The following CAPZA2 variants were observed in gnomAD, a reference collection of about 807,000 sequenced individuals.
CAPZA2 encodes the protein capping actin protein of muscle Z-line subunit alpha 2.
Under a neutral mutation model 44.0 loss-of-function variants are expected in CAPZA2, and 13 were observed. The ratio of observed to expected loss-of-function variants is 0.30; its 90% CI spans 0.19 to 0.47. The LOEUF (loss-of-function observed/expected upper bound fraction) is 0.47, where lower values mean the gene tolerates loss of function less well. CAPZA2 is among the 20% of genes least tolerant of loss of function. CAPZA2 has a pLI of 1.00. For synonymous variants in CAPZA2, 94 were observed against 108.2 expected, an observed-to-expected ratio of 0.87 and a Z score of 0.81; for missense variants, 244 against 338.6, an observed-to-expected ratio of 0.72 and a Z score of 2.19.
At chr7:116,863,335 C>A (rs760375312) in intron 1 of CAPZA2, among the ~76,000 whole-genome samples, 1 of 152,162 alleles carries the variant, frequency 6.6e-6, no homozygotes, top group Admixed American at 6.5e-5. Flanking sequence ...AAAAAGACGA[C>A]CCCCTCCCCA....
In CAPZA2 at chr7:116,921,870, C is replaced by G. The variant is rs551267678; in HGVS notation, c.*4003C>G. ...AAGGTCACCTCTGTGACATTAAAAT[C>G]AAGAATTCTGATAGAAGTAAGAGTT... On this transcript the variant is annotated 3_prime_UTR_variant, in exon 10 of 10. Coordinates refer to ENST00000361183, the MANE Select transcript of CAPZA2 (RefSeq NM_006136.3). The G allele has an allele frequency of 3.3e-5, 5 of 152,280 alleles. No homozygotes were observed. Among genetic ancestry groups the G allele is most frequent in the African/African-American group, 1.2e-4 (5 of 41,550 alleles). 9.4% of individuals were successfully genotyped at this position (152,280 alleles called of 1,614,324 possible).
intron 4 of CAPZA2, among the ~76,000 whole-genome samples, chr7:116,902,279 T>A (rs1797005492): frequency 6.6e-6 from 1 of 152,168 alleles, no homozygotes; most frequent in Non-Finnish European, 1.5e-5. Context: ...CCATCTTAAA[T>A]AACACTGGAT....
intron 9 of CAPZA2, 131 bp downstream of exon 9, chr7:116,916,253 ACAC>A: frequency 8.0e-6 from 7 of 878,790 alleles, no homozygotes; most frequent in South Asian, 2.5e-5. Context: ...TCTGCTTTTA[ACAC>A]AAAGGCAGAC....
chr7:116,907,187 A>G (rs752766415), intron 6 of CAPZA2, among the ~76,000 whole-genome samples: 6 of 152,236 alleles, frequency 3.9e-5, no homozygotes, highest in African/African-American at 4.8e-5. Flanking sequence ...AGGTTGCTCC[A>G]CTGCTTAGCC....
At chr7:116,890,525 AATATATATATAT>A (rs869031070) in intron 2 of CAPZA2, among the ~76,000 whole-genome samples, 5 of 27,220 alleles carry the variant, frequency 1.8e-4, no homozygotes, top group East Asian at 1.4e-3. Context: ...AAAAAAAAAA[AATATATATATAT>A]ATATATATAT....
intron 1 of CAPZA2, among the ~76,000 whole-genome samples, chr7:116,879,160 C>G (rs975120494): frequency 2.2e-5 from 3 of 139,064 alleles, no homozygotes; most frequent in African/African-American, 7.9e-5. Flanking sequence ...GAAAAGAATA[C>G]TGGGACTATG....
rs1160113350 is a variant in CAPZA2, at chr7:116,920,411, G to A, written c.*2544G>A. 6.6e-6 allele frequency: 1 copy of A among 152,350 alleles called. No homozygotes were observed. Among genetic ancestry groups the A allele is most frequent in the Non-Finnish European group, 1.5e-5 (1 of 68,176 alleles). 9.4% of individuals were successfully genotyped at this position (152,350 alleles called of 1,614,324 possible). A position where few individuals can be genotyped will look rare whatever the true frequency, so the allele number is the denominator to read the frequency against. ...AGGCATAATCAGGGAGAACAGCTAG[G>A]AGACTACTGCAGTAATCTAGTTGAG... On this transcript the variant is annotated 3_prime_UTR_variant, in exon 10 of 10. Coordinates refer to ENST00000361183, the MANE Select transcript of CAPZA2 (RefSeq NM_006136.3).
intron 1 of CAPZA2, among the ~76,000 whole-genome samples, chr7:116,883,766 C>T (rs1042155919): frequency 3.1e-4 from 47 of 152,054 alleles, no homozygotes; most frequent in African/African-American, 1.1e-3. Flanking sequence ...ATAGAGCTGA[C>T]GAAAATTCTA....
chr7:116,885,618 C>T (rs542532647), intron 1 of CAPZA2, among the ~76,000 whole-genome samples: 1 of 152,284 alleles, frequency 6.6e-6, no homozygotes, highest in South Asian at 2.1e-4. Flanking sequence ...GATCCAGATT[C>T]TCAGAACCCC....
At chr7:116,910,961 A>T (rs1342519026) in intron 7 of CAPZA2, among the ~76,000 whole-genome samples, 1 of 143,680 alleles carries the variant, frequency 7.0e-6, no homozygotes, top group Admixed American at 7.3e-5. Flanking sequence ...ACTGCACTCC[A>T]GCCTGGGCGA....
In CAPZA2 at chr7:116,910,265, C is replaced by T. The variant is rs1791573283; in HGVS notation, c.539C>T (p.Thr180Ile). The T allele has an allele frequency of 6.2e-7, 1 of 1,602,092 alleles. No individual in the cohort carries two copies. The highest frequency in any genetic ancestry group is 8.6e-7 in the Non-Finnish European group (1 of 1,169,352). Reference protein sequence around the residue: ...NGRWRSEWKFTITPSTTQVVG... With the variant: ...NGRWRSEWKFIITPSTTQVVG... ...CGTTGGAGGTCAGAATGGAAGTTTACAATCACTCCTTCAACCACTCAAGTG... is the reference window on the plus strand; with the variant it reads ...CGTTGGAGGTCAGAATGGAAGTTTATAATCACTCCTTCAACCACTCAAGTG... Residue 180 changes from threonine to isoleucine, a missense_variant, in exon 7 of 10, where the codon ACA (threonine) becomes ATA (isoleucine). Coordinates refer to ENST00000361183, the MANE Select transcript of CAPZA2 (RefSeq NM_006136.3).
chr7:116,913,769 ATTT>A (rs10717939), intron 8 of CAPZA2, among the ~76,000 whole-genome samples: 3,456 of 87,762 alleles, frequency 0.039, 194 homozygotes, highest in African/African-American at 0.14. Flanking sequence ...CACCCAGCTA[ATTT>A]TTTTTTTTTT....
chr7:116,881,006 C>A (rs938245619), intron 1 of CAPZA2, among the ~76,000 whole-genome samples: 1 of 151,772 alleles, frequency 6.6e-6, no homozygotes, highest in African/African-American at 2.4e-5. Context: ...ACCACAGTGA[C>A]CATGGAAAGT....
intron 1 of CAPZA2, among the ~76,000 whole-genome samples, chr7:116,885,512 A>G (rs771498050): frequency 6.6e-6 from 1 of 152,036 alleles, no homozygotes; most frequent in African/African-American, 2.4e-5. Context: ...GTCACATCCC[A>G]CAGGTGGAGG....
At chr7:116,908,096 G>GA (rs562535745) in intron 6 of CAPZA2, among the ~76,000 whole-genome samples, 30,351 of 140,330 alleles carry the variant, frequency 0.22, 3,226 homozygotes, top group East Asian at 0.41. Flanking sequence ...CCATCTCTAG[G>GA]AAAAAAAAAA....
chr7:116,902,486 A>C (rs1236875251), intron 4 of CAPZA2, among the ~76,000 whole-genome samples: 8 of 152,212 alleles, frequency 5.3e-5, no homozygotes. Flanking sequence ...CAGTGGAATT[A>C]AAATGATATA....
chr7:116,880,648 C>T (rs1014589151), intron 1 of CAPZA2, among the ~76,000 whole-genome samples: 8 of 144,200 alleles, frequency 5.5e-5, no homozygotes, highest in East Asian at 2.1e-4. Context: ...CCACCCGCCT[C>T]GGCCTCCCAA....
intron 3 of CAPZA2, among the ~76,000 whole-genome samples, chr7:116,894,616 T>G (rs1242680776): frequency 6.6e-6 from 1 of 152,216 alleles, no homozygotes; most frequent in Non-Finnish European, 1.5e-5. Context: ...TATATTGTTA[T>G]GTAATCATAG....
chr7:116,885,300 A>G (rs1796748545), intron 1 of CAPZA2, among the ~76,000 whole-genome samples: 2 of 150,624 alleles, frequency 1.3e-5, no homozygotes, highest in African/African-American at 2.4e-5. Context: ...TTTTGGTATC[A>G]TGTCTGTGTG....
Sources: gnomAD v4.1 joint callset for allele counts (sites outside exome capture counted in the v4.1 genomes callset) on GRCh38, gnomAD v4.1.1 for gene constraint, MANE v1.5 for transcripts, NCBI Gene and HGNC (gene_info 2026-07-23, HGNC 2026-07-21) for gene names.